The following MAP4K5 variants were observed in gnomAD, a reference collection of about 807,000 sequenced individuals.
MAP4K5 encodes mitogen-activated protein kinase kinase kinase kinase 5, also known as MAPK/ERK kinase kinase kinase 5.
A neutral mutation model predicts 135.6 loss-of-function variants in MAP4K5; 82 were observed. That is an observed-to-expected ratio of 0.60 (90% CI 0.51 to 0.73). MAP4K5 has a LOEUF of 0.73. MAP4K5 is among the 30% of genes least tolerant of loss of function. The pLI, the probability that MAP4K5 is intolerant of heterozygous loss-of-function variation, is 0.00. For synonymous variants in MAP4K5, 347 were observed against 335.0 expected, an observed-to-expected ratio of 1.04 and a Z score of -0.39; for missense variants, 907 against 1,010.9, an observed-to-expected ratio of 0.90 and a Z score of 1.39.
intron 1 of MAP4K5, among the ~76,000 whole-genome samples, chr14:50,546,643 T>C (rs2038636286): frequency 6.6e-6 from 1 of 152,196 alleles, no homozygotes; most frequent in Non-Finnish European, 1.5e-5. Flanking sequence ...TTAGGTAAGT[T>C]TTATATTTGC....
intron 14 of MAP4K5, among the ~76,000 whole-genome samples, chr14:50,453,079 A>T (rs28562469): frequency 0.015 from 2,224 of 147,810 alleles, 43 homozygotes; most frequent in African/African-American, 0.051. Flanking sequence ...TTGCAGCCTT[A>T]GTCAGTCTGG....
At chr14:50,503,462 T>A (rs1318785865) in intron 3 of MAP4K5, among the ~76,000 whole-genome samples, 1 of 152,212 alleles carries the variant, frequency 6.6e-6, no homozygotes, top group East Asian at 1.9e-4. Context: ...TTGCATTTAA[T>A]CCTTATATTT....
At chr14:50,430,255 T>C (rs2035939502) in intron 28 of MAP4K5, among the ~76,000 whole-genome samples, 2 of 152,226 alleles carry the variant, frequency 1.3e-5, no homozygotes, top group East Asian at 1.9e-4. Flanking sequence ...TTCATTCTCT[T>C]AGAACTTTTA....
chr14:50,560,110 C>T, intron 1 of MAP4K5: 1 of 818,772 alleles, frequency 1.2e-6, no homozygotes, highest in Non-Finnish European at 2.0e-6. Flanking sequence ...CTTTTCCTCC[C>T]CACTCCTTCC....
chr14:50,533,510 CTGA>C (rs1474870410), upstream of MAP4K5: 1 of 152,120 alleles, frequency 6.6e-6, no homozygotes, highest in Non-Finnish European at 1.5e-5. Flanking sequence ...AGTAATTTGG[CTGA>C]TATTTCACAA....
intron 2 of MAP4K5, among the ~76,000 whole-genome samples, chr14:50,540,150 CAA>C (rs1275957009): frequency 6.6e-6 from 1 of 152,182 alleles, no homozygotes; most frequent in Non-Finnish European, 1.5e-5. Context: ...GCTCAACTGT[CAA>C]AGACATGTTT....
Position 50,444,052 on chromosome 14 carries a change from T to G in MAP4K5, c.1340-16A>C. The G allele has an allele frequency of 6.5e-7, 1 of 1,548,346 alleles. No individual in the cohort carries two copies. Among genetic ancestry groups the G allele is most frequent in the South Asian group, 1.2e-5 (1 of 86,518 alleles). On this transcript the variant is annotated splice_polypyrimidine_tract_variant and intron_variant, in intron 18 of 32. Coordinates refer to ENST00000682126, the MANE Select transcript of MAP4K5 (RefSeq NM_006575.6). ...TCACCATTTCCTAAAGAGAATCATG[T>G]TAAAAGTTGAATGACCACACAAATA...
intron 3 of MAP4K5, among the ~76,000 whole-genome samples, chr14:50,488,688 G>A (rs933447149): frequency 2.0e-5 from 3 of 152,146 alleles, no homozygotes; most frequent in African/African-American, 7.2e-5. Context: ...AGCTATGTGA[G>A]GTTTCTATCA....
At chr14:50,425,019 AT>A (rs1160486148) in intron 31 of MAP4K5, among the ~76,000 whole-genome samples, 1 of 152,232 alleles carries the variant, frequency 6.6e-6, no homozygotes, top group East Asian at 1.9e-4. Context: ...AGGAATATTC[AT>A]TTATATATAA....
intron 1 of MAP4K5, among the ~76,000 whole-genome samples, chr14:50,558,797 T>C (rs1014865819): frequency 5.9e-5 from 9 of 152,222 alleles, no homozygotes; most frequent in African/African-American, 1.9e-4. Context: ...ACTTGGTTTA[T>C]AGGTATAAGG....
chr14:50,506,282 A>G (rs988716681), intron 2 of MAP4K5, among the ~76,000 whole-genome samples: 1 of 152,172 alleles, frequency 6.6e-6, no homozygotes, highest in Non-Finnish European at 1.5e-5. Flanking sequence ...AGAGGGTGAG[A>G]AAAAGAATAG....
intron 16 of MAP4K5, among the ~76,000 whole-genome samples, chr14:50,446,831 T>C (rs1004522332): frequency 2.5e-4 from 38 of 152,226 alleles, no homozygotes; most frequent in Non-Finnish European, 4.9e-4. Context: ...TAAGCATAGT[T>C]ATATTCTAAC....
At chr14:50,497,456 G>A (rs749207449) in intron 3 of MAP4K5, among the ~76,000 whole-genome samples, 4 of 152,144 alleles carry the variant, frequency 2.6e-5, no homozygotes, top group Non-Finnish European at 4.4e-5. Flanking sequence ...AGATTGTTAG[G>A]TTTTTGAATA....
At chr14:50,450,660 C>G (rs2036463621) in intron 14 of MAP4K5, 1 of 152,180 alleles carries the variant, frequency 6.6e-6, no homozygotes, top group Non-Finnish European at 1.5e-5. Flanking sequence ...CAAGAGTATG[C>G]AAGTTATCTC....
At chr14:50,435,859 T>C (rs2036078906) in intron 26 of MAP4K5, among the ~76,000 whole-genome samples, 1 of 152,172 alleles carries the variant, frequency 6.6e-6, no homozygotes, top group Admixed American at 6.5e-5. Context: ...ATTATAATCA[T>C]TGATTATAAG....
At chr14:50,445,609 ACC>A (rs2036330002) in intron 17 of MAP4K5, among the ~76,000 whole-genome samples, 1 of 152,026 alleles carries the variant, frequency 6.6e-6, no homozygotes, top group African/African-American at 2.4e-5. Context: ...TCGCTCTGTC[ACC>A]CAGGCTGGAG....
chr14:50,461,815 A>G (rs1456420302), intron 13 of MAP4K5, among the ~76,000 whole-genome samples: 1 of 152,072 alleles, frequency 6.6e-6, no homozygotes, highest in Non-Finnish European at 1.5e-5. Context: ...GCTACTCAGG[A>G]GGCTGAGGCA....
At chr14:50,427,319 A>G (rs2035869002) in intron 30 of MAP4K5, among the ~76,000 whole-genome samples, 3 of 152,226 alleles carry the variant, frequency 2.0e-5, no homozygotes, top group African/African-American at 7.2e-5. Flanking sequence ...GGCATGTAAT[A>G]TAAGGAGTAA....
At chr14:50,438,783 C>G (rs1278321645) in intron 23 of MAP4K5, among the ~76,000 whole-genome samples, 1 of 152,092 alleles carries the variant, frequency 6.6e-6, no homozygotes, top group Non-Finnish European at 1.5e-5. Flanking sequence ...AACACCCTTC[C>G]TTTCTCCATT....
Sources: gnomAD v4.1 joint callset for allele counts (sites outside exome capture counted in the v4.1 genomes callset) on GRCh38, gnomAD v4.1.1 for gene constraint, MANE v1.5 for transcripts, NCBI Gene and HGNC (gene_info 2026-07-23, HGNC 2026-07-21) for gene names.